Variants in PLCL1 observed in about 807,000 individuals in gnomAD.
PLCL1 encodes the protein phospholipase C like 1 (inactive), also known as inactive phospholipase C-like protein 1.
PLCL1 carries 41 observed loss-of-function variants against 84.4 expected under a neutral mutation model. That is an observed-to-expected ratio of 0.49 (90% confidence interval 0.38 to 0.63). PLCL1 has a LOEUF of 0.63. PLCL1 is among the 30% of genes least tolerant of loss of function. The probability of loss-of-function intolerance (pLI) is 0.00; values close to 1 mark genes in which losing one functional copy is unlikely to be tolerated. For missense variants in PLCL1, 1,206 were observed against 1,367.8 expected, an observed-to-expected ratio of 0.88 and a Z score of 1.87; for synonymous variants, 490 against 488.3, an observed-to-expected ratio of 1.00 and a Z score of -0.05.
At chr2:197,844,029 G>A (rs1440461126) in intron 1 of PLCL1, among the ~76,000 whole-genome samples, 1 of 152,028 alleles carries the variant, frequency 6.6e-6, no homozygotes, top group African/African-American at 2.4e-5. Flanking sequence ...TTAACCCATG[G>A]GTTTTGTTGA....
intron 1 of PLCL1, among the ~76,000 whole-genome samples, chr2:197,896,228 G>A (rs964519948): frequency 2.6e-5 from 4 of 151,900 alleles, no homozygotes; most frequent in Non-Finnish European, 4.4e-5. Context: ...ATTCTATCTA[G>A]TGTACAAATT....
At chr2:198,064,500 T>C (rs183653009) in intron 1 of PLCL1, among the ~76,000 whole-genome samples, 240 of 152,328 alleles carry the variant, frequency 1.6e-3, no homozygotes, top group South Asian at 4.3e-3. Flanking sequence ...ATGCTTGTAA[T>C]TTAAGGCTTA....
At chr2:197,911,703 G>C (rs1353907561) in intron 1 of PLCL1, among the ~76,000 whole-genome samples, 1 of 152,070 alleles carries the variant, frequency 6.6e-6, no homozygotes, top group Non-Finnish European at 1.5e-5. Context: ...AATACCCTGA[G>C]TCTGGCACCT....
chr2:198,110,734 T>A (rs1362377453), intron 5 of PLCL1, among the ~76,000 whole-genome samples: 1 of 151,748 alleles, frequency 6.6e-6, no homozygotes, highest in Non-Finnish European at 1.5e-5. Context: ...ACCAGGCTCT[T>A]CCAACAGACA....
At chr2:197,852,645 C>A (rs1342206933) in intron 1 of PLCL1, among the ~76,000 whole-genome samples, 2 of 152,090 alleles carry the variant, frequency 1.3e-5, no homozygotes, top group East Asian at 3.9e-4. Flanking sequence ...TGATAGATGC[C>A]AGTCACTGCT....
chr2:197,807,424 T>G (rs1333364270), intron 1 of PLCL1, among the ~76,000 whole-genome samples: 2 of 152,248 alleles, frequency 1.3e-5, no homozygotes, highest in Non-Finnish European at 2.9e-5. Flanking sequence ...ATCTGGTAGG[T>G]CTTTGGTGGG....
chr2:198,030,365 G>C (rs566893389), intron 1 of PLCL1, among the ~76,000 whole-genome samples: 54 of 152,122 alleles, frequency 3.5e-4, no homozygotes, highest in African/African-American at 1.3e-3. Context: ...AACACTGCCC[G>C]GTGATTGTGT....
intron 1 of PLCL1, among the ~76,000 whole-genome samples, chr2:198,057,707 A>C (rs192982862): frequency 5.3e-4 from 80 of 152,356 alleles, no homozygotes; most frequent in African/African-American, 1.8e-3. Context: ...CCACCAAAAA[A>C]GTATGATGCA....
chr2:197,912,498 T>A (rs988988833), intron 1 of PLCL1, among the ~76,000 whole-genome samples: 10 of 151,782 alleles, frequency 6.6e-5, no homozygotes, highest in Admixed American at 5.9e-4. Flanking sequence ...TGCACACGTA[T>A]GTTTATTGCG....
intron 5 of PLCL1, among the ~76,000 whole-genome samples, chr2:198,141,575 C>A (rs2105946108): frequency 6.6e-6 from 1 of 151,910 alleles, no homozygotes; most frequent in Middle Eastern, 3.4e-3. Flanking sequence ...TGTTTTACCT[C>A]TTCAGAGCAA....
intron 1 of PLCL1, among the ~76,000 whole-genome samples, chr2:198,069,673 T>C (rs915060261): frequency 1.3e-5 from 2 of 152,184 alleles, no homozygotes; most frequent in Non-Finnish European, 2.9e-5. Flanking sequence ...TTTAGTTTTT[T>C]GAAAAAATAT....
chr2:197,975,631 C>A (rs1306440964), intron 1 of PLCL1, among the ~76,000 whole-genome samples: 1 of 151,904 alleles, frequency 6.6e-6, no homozygotes, highest in Non-Finnish European at 1.5e-5. Context: ...GAGTGAGACC[C>A]CCCCATCTCT....
Position 197,840,333 on chromosome 2 carries a change from C to T in PLCL1, c.240+34994C>T, listed in dbSNP as rs200951984. On this transcript the variant is annotated intron_variant, in intron 1 of 5. Transcript: ENST00000428675. ...CATTAGAGATTTTGTAAAACTTCATCGGTTGATTAAAATGCAGATAGCATG... is the reference window on the plus strand; with the variant it reads ...CATTAGAGATTTTGTAAAACTTCATTGGTTGATTAAAATGCAGATAGCATG... Among the ~76,000 whole-genome samples, 12 of 150,986 alleles carry T rather than the reference C, an allele frequency of 7.9e-5. No individual in the cohort carries two copies. In the East Asian group the frequency reaches 1.8e-3, roughly 22 times the overall value.
At position 198,044,514 on chromosome 2, in the gene PLCL1, C is replaced by A. The variant is rs1336116857; in HGVS notation, c.241-39244C>A. ...GTATTAACTTAGAGAGGAACAATTT[C>A]TGTAGGTTGGGACAAATTTTAATGT... On this transcript the variant is annotated intron_variant, in intron 1 of 5. Coordinates refer to ENST00000428675, the MANE Select transcript of PLCL1 (RefSeq NM_006226.4). 2.0e-5 allele frequency among the ~76,000 whole-genome samples: 3 copies of A among 152,166 alleles called. No homozygotes were observed. In the East Asian group the frequency reaches 5.8e-4, roughly 29 times the overall value.
intron 1 of PLCL1, among the ~76,000 whole-genome samples, chr2:197,956,309 C>T (rs746315143): frequency 5.9e-5 from 9 of 152,070 alleles, no homozygotes; most frequent in Admixed American, 6.6e-5. Flanking sequence ...TTTTCTTTAT[C>T]CAGTCAGTCA....
intron 1 of PLCL1, among the ~76,000 whole-genome samples, chr2:197,923,404 G>C (rs893657280): frequency 4.8e-5 from 7 of 147,142 alleles, no homozygotes; most frequent in Non-Finnish European, 1.1e-4. Flanking sequence ...TCTCAGACGG[G>C]GTGGTTGCCA....
chr2:198,032,204 A>G (rs958842805), intron 1 of PLCL1, among the ~76,000 whole-genome samples: 6 of 152,314 alleles, frequency 3.9e-5, no homozygotes, highest in African/African-American at 1.4e-4. Context: ...GTGAAAACCT[A>G]CTGGTTTCTT....
At chr2:197,926,187 A>T (rs887167112) in intron 1 of PLCL1, among the ~76,000 whole-genome samples, 2 of 152,192 alleles carry the variant, frequency 1.3e-5, no homozygotes, top group Non-Finnish European at 2.9e-5. Flanking sequence ...AGTAGATTCA[A>T]TAACATGCTG....
At chr2:198,051,936 T>A (rs536234735) in intron 1 of PLCL1, among the ~76,000 whole-genome samples, 2 of 150,172 alleles carry the variant, frequency 1.3e-5, no homozygotes, top group East Asian at 3.9e-4. Context: ...TGAGACCGAG[T>A]TTCACTCTTG....
Sources: allele counts gnomAD v4.1 joint callset (sites outside exome capture counted in the v4.1 genomes callset), GRCh38; gene constraint gnomAD v4.1.1; transcripts MANE v1.5; gene names NCBI Gene and HGNC (gene_info 2026-07-23, HGNC 2026-07-21).